Variants in SGMS2 observed in about 807,000 individuals in gnomAD.
SGMS2 encodes sphingomyelin synthase 2.
SGMS2 carries 21 observed loss-of-function variants against 43.8 expected under a neutral mutation model. The observed-to-expected ratio is 0.48, with a 90% confidence interval of 0.34 to 0.69. The LOEUF is 0.69. SGMS2 is among the 30% of genes least tolerant of loss of function. The pLI, the probability that SGMS2 is intolerant of heterozygous loss-of-function variation, is 0.01. For missense variants in SGMS2, 384 were observed against 443.2 expected (o/e 0.87, Z 1.20); for synonymous variants, 167 against 160.6 (o/e 1.04, Z -0.30).
chr4:107,849,065 C>T (rs1036169373), intron 1 of SGMS2, among the ~76,000 whole-genome samples: 4 of 152,066 alleles, frequency 2.6e-5, no homozygotes, highest in African/African-American at 9.7e-5. Context: ...CAGCACAATT[C>T]GTTGAGAAGA....
At chr4:107,847,151 C>T (rs1225268354) in intron 1 of SGMS2, among the ~76,000 whole-genome samples, 4 of 151,502 alleles carry the variant, frequency 2.6e-5, no homozygotes, top group African/African-American at 9.7e-5. Flanking sequence ...GCTTTTATTG[C>T]CATTGCTTTT....
chr4:107,900,647 C>T (rs542268691), intron 4 of SGMS2, among the ~76,000 whole-genome samples: 2 of 152,022 alleles, frequency 1.3e-5, no homozygotes, highest in Admixed American at 6.5e-5. Flanking sequence ...TTAATCATCT[C>T]GGACTTCAGT....
rs1732037782 is a variant in SGMS2, at chr4:107,910,529, T to C, written c.1074T>C (p.Gly358=). ...CKKYSRVQKI[G]EDNEKST Reference sequence around the variant, plus strand: ...AGTATTCACGGGTTCAGAAGATTGGTGAAGACAATGAGAAATCGACCTGAG... The same window carrying C: ...AGTATTCACGGGTTCAGAAGATTGGCGAAGACAATGAGAAATCGACCTGAG... Residue 358 remains glycine, a synonymous_variant, in exon 7 of 7, where the codon GGT becomes GGC. Transcript: ENST00000690982. The C allele has an allele frequency of 1.2e-6, 2 of 1,613,966 alleles. No individual in the cohort carries two copies. Among genetic ancestry groups the C allele is most frequent in the East Asian group, 4.5e-5 (2 of 44,836 alleles).
At chr4:107,873,754 T>A (rs1444540659) in intron 2 of SGMS2, among the ~76,000 whole-genome samples, 2 of 152,114 alleles carry the variant, frequency 1.3e-5, no homozygotes, top group Non-Finnish European at 2.9e-5. Context: ...AATTTCAATA[T>A]CACGTTGCTG....
Position 107,895,436 on chromosome 4 carries a change from A to G in SGMS2, c.-118A>G. ...TACCTTCTACATTTTGTATTAGGAA[A>G]CAAAGTCCATTGTAAGAGTCCATGT... On this transcript the variant is annotated 5_prime_UTR_variant, in exon 3 of 7. Coordinates refer to ENST00000690982, the MANE Select transcript of SGMS2 (RefSeq NM_001375905.1). 9.4e-7 allele frequency: 1 copy of G among 1,060,784 alleles called. No homozygotes were observed. The highest frequency in any genetic ancestry group is 1.4e-6 in the Non-Finnish European group (1 of 724,814). The allele number at this position is 1,060,784 out of a possible 1,614,324, so 65.7% of individuals were successfully genotyped here. A position where few individuals can be genotyped will look rare whatever the true frequency, so the allele number is the denominator to read the frequency against.
chr4:107,874,816 G>C (rs1728789332), intron 2 of SGMS2, among the ~76,000 whole-genome samples: 2 of 152,110 alleles, frequency 1.3e-5, no homozygotes, highest in South Asian at 4.1e-4. Flanking sequence ...TAAATTTCAT[G>C]TCTTAGGTTA....
chr4:107,863,216 C>G (rs1727867243), intron 2 of SGMS2, among the ~76,000 whole-genome samples: 1 of 152,156 alleles, frequency 6.6e-6, no homozygotes, highest in African/African-American at 2.4e-5. Context: ...TAGCATGGTT[C>G]CAGGAGCCTG....
intron 1 of SGMS2, among the ~76,000 whole-genome samples, chr4:107,830,350 T>C (rs943892257): frequency 2.0e-5 from 3 of 152,178 alleles, no homozygotes; most frequent in East Asian, 1.9e-4. Flanking sequence ...TACATGTGCA[T>C]GTATCTTTAT....
At chr4:107,877,913 CT>C (rs774442653) in intron 2 of SGMS2, among the ~76,000 whole-genome samples, 21,246 of 102,026 alleles carry the variant, frequency 0.21, 986 homozygotes, top group Non-Finnish European at 0.27. Flanking sequence ...TTTTTCTTTT[CT>C]TTTTTTTTTT....
intron 2 of SGMS2, among the ~76,000 whole-genome samples, chr4:107,874,460 A>G (rs1728768902): frequency 6.6e-6 from 1 of 152,188 alleles, no homozygotes; most frequent in Non-Finnish European, 1.5e-5. Context: ...AGAGCTAGCA[A>G]CATAGGGATT....
chr4:107,915,019 A>G lies in SGMS2; in HGVS notation c.*4466A>G, dbSNP rs1732366969. The G allele has an allele frequency of 6.6e-6, 1 of 152,224 alleles. No individual in the cohort carries two copies. Among genetic ancestry groups the G allele is most frequent in the Admixed American group, 6.5e-5 (1 of 15,288 alleles). 9.4% of individuals were successfully genotyped at this position (152,224 alleles called of 1,614,324 possible). Reference sequence around the variant, plus strand: ...ACTTTGTATTTACCTAATAAACCACAGTGACATCAACAGTCTTTTCAAAAT... The same window carrying G: ...ACTTTGTATTTACCTAATAAACCACGGTGACATCAACAGTCTTTTCAAAAT... On this transcript the variant is annotated 3_prime_UTR_variant, in exon 7 of 7. Transcript: ENST00000690982.
intron 1 of SGMS2, among the ~76,000 whole-genome samples, chr4:107,825,620 C>CTTTTTTTTTTTTTTTTTTT (rs201101875): frequency 8.6e-6 from 1 of 116,290 alleles, no homozygotes; most frequent in African/African-American, 3.7e-5. Context: ...TTTTCTTTCT[C>CTTTTTTTTTTTTTTTTTTT]TTTTTTTTTT....
chr4:107,842,370 G>C (rs1024502803), intron 1 of SGMS2, among the ~76,000 whole-genome samples: 29 of 152,150 alleles, frequency 1.9e-4, no homozygotes, highest in African/African-American at 7.0e-4. Flanking sequence ...GCGGGAGCAA[G>C]AGAGAGAGGA....
chr4:107,912,807 C>T lies in SGMS2; in HGVS notation c.*2254C>T, dbSNP rs1423341254. The stretch of plus-strand genomic sequence containing the variant: ...AAAAAAACCATCACCTTTTAAAGAA[C>T]TTTAAAAACACCTGTGATGCCAATG... On this transcript the variant is annotated 3_prime_UTR_variant, in exon 7 of 7. Coordinates refer to ENST00000690982, the MANE Select transcript of SGMS2 (RefSeq NM_001375905.1). The T allele has an allele frequency of 6.6e-6, 1 of 152,050 alleles. No homozygotes were observed. The highest frequency in any genetic ancestry group is 1.9e-4 in the East Asian group (1 of 5,190). 9.4% of individuals were successfully genotyped at this position (152,050 alleles called of 1,614,324 possible).
intron 4 of SGMS2, 139 bp from the exon 5 acceptor site, chr4:107,903,094 T>C (rs1731261725): frequency 3.9e-6 from 3 of 770,420 alleles, no homozygotes; most frequent in Non-Finnish European, 6.5e-6. Context: ...GAGCTTCTCC[T>C]TGGATTCTTT....
chr4:107,887,086 G>A (rs1045178392), intron 2 of SGMS2, among the ~76,000 whole-genome samples: 1 of 152,162 alleles, frequency 6.6e-6, no homozygotes, highest in African/African-American at 2.4e-5. Flanking sequence ...GATTACTTTA[G>A]ACTTCTGTTA....
At chr4:107,901,759 T>A (rs1055244218) in intron 4 of SGMS2, among the ~76,000 whole-genome samples, 1 of 152,246 alleles carries the variant, frequency 6.6e-6, no homozygotes, top group Non-Finnish European at 1.5e-5. Context: ...AAAAGGATTA[T>A]GTGAAATGAT....
intron 2 of SGMS2, among the ~76,000 whole-genome samples, chr4:107,877,100 G>A (rs1199930806): frequency 6.6e-6 from 1 of 151,790 alleles, no homozygotes; most frequent in East Asian, 1.9e-4. Context: ...AGGAGTATGA[G>A]ACCAGCCTGG....
At position 107,826,842 on chromosome 4, in the gene SGMS2, G is replaced by A. The variant is rs113916734; in HGVS notation, c.-327+1589G>A. ...ATGTTTGGAAGAAACTTTAGCACTT[G>A]TGCACGTTATTGAAGACATTTGCTC... On this transcript the variant is annotated intron_variant, in intron 1 of 6. Coordinates refer to ENST00000690982, the MANE Select transcript of SGMS2 (RefSeq NM_001375905.1). Among the ~76,000 whole-genome samples the A allele has an allele frequency of 4.2e-3, 643 of 152,272 alleles. 4 individuals carry two copies. The highest frequency in any genetic ancestry group is 0.014 in the African/African-American group (601 of 41,558).
Sources: allele counts gnomAD v4.1 joint callset (sites outside exome capture counted in the v4.1 genomes callset), GRCh38; gene constraint gnomAD v4.1.1; transcripts MANE v1.5; gene names NCBI Gene and HGNC (gene_info 2026-07-23, HGNC 2026-07-21).